Variants in CCDC187 observed in about 807,000 individuals in gnomAD.
CCDC187 encodes the protein coiled-coil domain containing 187.
CCDC187 carries 32 observed loss-of-function variants against 38.0 expected under a neutral mutation model. The observed-to-expected ratio is 0.84, with a 90% CI of 0.64 to 1.13. CCDC187 has a LOEUF of 1.13. CCDC187 is among the 50% of genes most tolerant of loss of function. The probability of loss-of-function intolerance (pLI) is 0.00; values close to 1 mark genes in which losing one functional copy is unlikely to be tolerated. For missense variants in CCDC187, 707 were observed against 786.8 expected, an observed-to-expected ratio of 0.90 and a Z score of 1.21; for synonymous variants, 333 against 347.9, an observed-to-expected ratio of 0.96 and a Z score of 0.48.
chr9:136,304,368 C>T (rs1831765538), upstream of CCDC187, among the ~76,000 whole-genome samples: 1 of 152,176 alleles, frequency 6.6e-6, no homozygotes, highest in Admixed American at 6.5e-5. Context: ...CACAGAGGTC[C>T]CAGCAGCTGT....
At position 136,293,445 on chromosome 9, in the gene CCDC187, ACACATGCTCACACTCACACT is replaced by A. The variant is rs1226258598; in HGVS notation, c.833-1170_833-1151del. 1.6e-4 allele frequency among the ~76,000 whole-genome samples: 10 copies of A among 62,310 alleles called. 1 individual carries two copies. The East Asian group carries it at 2.5e-3, about 16-fold the overall frequency. The allele number at this position is 62,310 out of a possible 152,430, so 40.9% of individuals were successfully genotyped here. A position where few individuals can be genotyped will look rare whatever the true frequency, so the allele number is the denominator to read the frequency against. On this transcript the variant is annotated intron_variant, in intron 4 of 25. Coordinates refer to ENST00000638797, the MANE Select transcript of CCDC187 (RefSeq NM_001378188.1). ...CATACTCTCACATGCTCACACACTC[ACACATGCTCACACTCACACT>A]CACATGCTCACACACTCACAAACAC... is the stretch of plus-strand genomic sequence containing the variant.
intron 4 of CCDC187, among the ~76,000 whole-genome samples, chr9:136,294,628 C>T (rs928448318): frequency 2.0e-3 from 299 of 152,344 alleles, no homozygotes; most frequent in Middle Eastern, 0.01. Flanking sequence ...CCCCCAGACA[C>T]GGCACCCTCC....
At position 136,273,088 on chromosome 9, in the gene CCDC187, G is replaced by A. The variant is rs117491047; in HGVS notation, c.3442+1570C>T. 1.7e-3 allele frequency among the ~76,000 whole-genome samples: 253 copies of A among 152,282 alleles called. 6 individuals are homozygous for A. The East Asian group carries it at 0.037, about 22-fold the overall frequency. On this transcript the variant is annotated intron_variant, in intron 14 of 25. Coordinates refer to ENST00000638797, the MANE Select transcript of CCDC187 (RefSeq NM_001378188.1). ...AAAACATTGCTTAATCCAAAGGGAG[G>A]CAGAAACTAAGTGGAAGAAGAAAAT...
chr9:136,273,481 G>A (rs953577369), intron 14 of CCDC187, among the ~76,000 whole-genome samples: 2 of 152,032 alleles, frequency 1.3e-5, no homozygotes, highest in African/African-American at 2.4e-5. Flanking sequence ...ATGATCCCGA[G>A]TGTTTATGGG....
chr9:136,279,410 C>G (rs1361154106), intron 10 of CCDC187, among the ~76,000 whole-genome samples: 2 of 152,192 alleles, frequency 1.3e-5, no homozygotes, highest in Non-Finnish European at 2.9e-5. Flanking sequence ...TGTTGCCTGT[C>G]CCCCTGGGGC....
At position 136,279,087 on chromosome 9, in the gene CCDC187, TAA is replaced by T. The variant is rs1830989906; in HGVS notation, c.3041-2362_3041-2361del. 2.6e-5 allele frequency among the ~76,000 whole-genome samples: 4 copies of T among 152,280 alleles called. No individual in the cohort carries two copies. In the South Asian group the frequency reaches 8.3e-4, roughly 32 times the overall value. On this transcript the variant is annotated intron_variant, in intron 10 of 25. Transcript: ENST00000638797. ...CATGGACAACTCTGGTCTGGGTGTTTAAGTCTAGAAGGTTCCATTGACAGAGC... is the reference window on the plus strand; with the variant it reads ...CATGGACAACTCTGGTCTGGGTGTTTGTCTAGAAGGTTCCATTGACAGAGC...
chr9:136,261,079 A>C (rs1830672764), intron 19 of CCDC187, among the ~76,000 whole-genome samples: 1 of 151,678 alleles, frequency 6.6e-6, no homozygotes, highest in South Asian at 2.1e-4. Context: ...CCCCTCCCCT[A>C]CACCCTCCTC....
At chr9:136,284,091 C>T (rs1022472318) in intron 9 of CCDC187, among the ~76,000 whole-genome samples, 1 of 152,016 alleles carries the variant, frequency 6.6e-6, no homozygotes, top group African/African-American at 2.4e-5. Context: ...GCAGGGGAGA[C>T]CTCGGGCCAG....
intron 16 of CCDC187, chr9:136,267,042 A>G (rs1554761726): frequency 6.5e-6 from 1 of 152,954 alleles, no homozygotes; most frequent in African/African-American, 2.4e-5. Flanking sequence ...AGATCGCGCC[A>G]CGCGCCTCTA....
Position 136,290,988 on chromosome 9 carries a change from C to G in CCDC187, c.1625G>C (p.Arg542Pro), listed in dbSNP as rs1003527002. 5.0e-6 allele frequency: 2 copies of G among 398,530 alleles called. No homozygotes were observed. The highest frequency in any genetic ancestry group is 4.1e-5 in the African/African-American group (2 of 48,610). The allele number at this position is 398,530 out of a possible 1,614,324, so 24.7% of individuals were successfully genotyped here. ...WSAVATQPCP[R>P]RAWTACETWE... Reference sequence around the variant, plus strand: ...GGTTTCACAGGCAGTCCAGGCCCTCCGTGGACAGGGCTGTGTGGCTACAGC... The same window carrying G: ...GGTTTCACAGGCAGTCCAGGCCCTCGGTGGACAGGGCTGTGTGGCTACAGC... The change falls in exon 6 of 26, where the codon CGG becomes CCG. Residue 542 changes from arginine (R) to proline (P), a missense_variant. Arg to Pro is a moderately radical substitution (Grantham distance 103). Coordinates refer to ENST00000638797, the MANE Select transcript of CCDC187 (RefSeq NM_001378188.1).
At chr9:136,296,277 G>C (rs1831532994) in intron 4 of CCDC187, 1 of 152,240 alleles carries the variant, frequency 6.6e-6, no homozygotes, top group African/African-American at 2.4e-5. Flanking sequence ...TTGGAGTGAG[G>C]GTCCCACAAA....
Position 136,294,614 on chromosome 9 carries a change from G to C in CCDC187, c.833-2319C>G, listed in dbSNP as rs1831489667. 2.6e-5 allele frequency among the ~76,000 whole-genome samples: 4 copies of C among 152,162 alleles called. No individual in the cohort carries two copies. In the South Asian group the frequency reaches 6.2e-4, roughly 24 times the overall value. ...CCGGACTGAGTCAGGGACTTCCCTA[G>C]CACCCCCCAGACACGGCACCCTCCT... On this transcript the variant is annotated intron_variant, in intron 4 of 25. Coordinates refer to ENST00000638797, the MANE Select transcript of CCDC187 (RefSeq NM_001378188.1).
chr9:136,299,438 C>A (rs1382986217), intron 3 of CCDC187, among the ~76,000 whole-genome samples: 3 of 152,184 alleles, frequency 2.0e-5, no homozygotes, highest in Non-Finnish European at 4.4e-5. Flanking sequence ...CTGTGCTGAG[C>A]CCGAAACGCC....
chr9:136,293,423 ACT>A lies in CCDC187; in HGVS notation c.833-1130_833-1129del, dbSNP rs1171085487. 2.3e-3 allele frequency among the ~76,000 whole-genome samples: 149 copies of A among 64,960 alleles called. 8 individuals are homozygous for A. Among genetic ancestry groups the A allele is most frequent in the African/African-American group, 7.0e-3 (123 of 17,452 alleles). 42.6% of individuals were successfully genotyped at this position (64,960 alleles called of 152,430 possible). A position where few individuals can be genotyped will look rare whatever the true frequency, so the allele number is the denominator to read the frequency against. ...CTCACAAACACTCACATGCTCACAT[ACT>A]CTCACATGCTCACACACTCACACAT... On this transcript the variant is annotated intron_variant, in intron 4 of 25. Transcript: ENST00000638797.
chr9:136,272,927 G>T (rs962204990), intron 14 of CCDC187, among the ~76,000 whole-genome samples: 11 of 152,208 alleles, frequency 7.2e-5, no homozygotes, highest in African/African-American at 2.4e-4. Context: ...TAACTTAAAG[G>T]CCAGGAAAGA....
intron 4 of CCDC187, among the ~76,000 whole-genome samples, chr9:136,292,762 G>A (rs1831366309): frequency 6.6e-6 from 1 of 152,206 alleles, no homozygotes; most frequent in Non-Finnish European, 1.5e-5. Flanking sequence ...TGTCACCGCT[G>A]GCCACGTGTG....
intron 25 of CCDC187, 99 bp downstream of exon 25, chr9:136,255,558 C>T (rs1258324242): frequency 4.0e-5 from 17 of 428,408 alleles, no homozygotes; most frequent in Admixed American, 6.4e-5. Flanking sequence ...GCAGGGGCTG[C>T]GTATTGTGGG....
In CCDC187 at chr9:136,297,759, A is replaced by G; in HGVS notation, c.787T>C (p.Leu263=). 2.5e-6 allele frequency: 1 copy of G among 398,192 alleles called. No homozygotes were observed. The highest frequency in any genetic ancestry group is 4.4e-6 in the Non-Finnish European group (1 of 225,826). The allele number at this position is 398,192 out of a possible 1,614,324, so 24.7% of individuals were successfully genotyped here. Reference sequence around the variant, plus strand: ...TTGGCCGCTCTTCTAGGGGAGGGCAACTTGGGGGTCTTCTCTCTTTTGCAA... The same window carrying G: ...TTGGCCGCTCTTCTAGGGGAGGGCAGCTTGGGGGTCTTCTCTCTTTTGCAA... ...SSCKREKTPK[L]PSPRRAAKDK... Residue 263 remains leucine (L), a synonymous_variant, in exon 4 of 26, where the codon TTG becomes CTG. Coordinates refer to ENST00000638797, the MANE Select transcript of CCDC187 (RefSeq NM_001378188.1).
chr9:136,295,309 G>A (rs1282471867), intron 4 of CCDC187, among the ~76,000 whole-genome samples: 2 of 152,208 alleles, frequency 1.3e-5, no homozygotes, highest in African/African-American at 4.8e-5. Context: ...TCCATTGCTG[G>A]CCACTCACTT....
Sources: gnomAD v4.1 joint callset for allele counts (sites outside exome capture counted in the v4.1 genomes callset) on GRCh38, gnomAD v4.1.1 for gene constraint, MANE v1.5 for transcripts, NCBI Gene and HGNC (gene_info 2026-07-23, HGNC 2026-07-21) for gene names.